Variants in GRM7 observed in about 807,000 individuals in gnomAD.
GRM7 encodes the protein glutamate metabotropic receptor 7, also known as metabotropic glutamate receptor 7.
A neutral mutation model predicts 84.5 loss-of-function variants in GRM7; 35 were observed. That is an observed-to-expected ratio of 0.41 (90% CI 0.32 to 0.55). The LOEUF (loss-of-function observed/expected upper bound fraction) is 0.55, where lower values mean the gene tolerates loss of function less well. GRM7 is among the 20% of genes least tolerant of loss of function. The pLI, the probability that GRM7 is intolerant of heterozygous loss-of-function variation, is 0.19. For missense variants in GRM7, 1,003 were observed against 1,194.6 expected, an observed-to-expected ratio of 0.84 and a Z score of 2.36; for synonymous variants, 487 against 455.1, an observed-to-expected ratio of 1.07 and a Z score of -0.89.
chr3:7,657,445 C>CA (rs944598026), intron 8 of GRM7, among the ~76,000 whole-genome samples: 5 of 152,088 alleles, frequency 3.3e-5, no homozygotes, highest in Non-Finnish European at 7.4e-5. Flanking sequence ...AATTCAACCC[C>CA]AAAAAATGTA....
chr3:7,684,752 A>G (rs1700510904), intron 9 of GRM7, among the ~76,000 whole-genome samples: 1 of 152,156 alleles, frequency 6.6e-6, no homozygotes, highest in African/African-American at 2.4e-5. Context: ...TTATCTGCGC[A>G]CTGCTGGCAT....
At chr3:7,660,059 T>C (rs1699370440) in intron 8 of GRM7, among the ~76,000 whole-genome samples, 1 of 152,206 alleles carries the variant, frequency 6.6e-6, no homozygotes, top group Admixed American at 6.5e-5. Flanking sequence ...AGATAAAATA[T>C]AGGATGTAAG....
At chr3:7,106,911 GC>G (rs1692670250) in intron 1 of GRM7, among the ~76,000 whole-genome samples, 1 of 152,046 alleles carries the variant, frequency 6.6e-6, no homozygotes, top group Admixed American at 6.6e-5. Context: ...AATAAATCAT[GC>G]CATTCACTAC....
intron 4 of GRM7, among the ~76,000 whole-genome samples, chr3:7,414,803 G>C (rs920555541): frequency 1.4e-4 from 22 of 151,732 alleles, no homozygotes; most frequent in African/African-American, 4.6e-4. Context: ...TGGAAATTAT[G>C]CTAGTAACTA....
At chr3:7,099,393 T>A (rs1006013290) in intron 1 of GRM7, among the ~76,000 whole-genome samples, 1 of 148,334 alleles carries the variant, frequency 6.7e-6, no homozygotes, top group Admixed American at 6.8e-5. Flanking sequence ...ATATATACAT[T>A]ATATACATAC....
At chr3:7,412,926 C>T (rs1696003950) in intron 4 of GRM7, among the ~76,000 whole-genome samples, 1 of 151,974 alleles carries the variant, frequency 6.6e-6, no homozygotes, top group African/African-American at 2.4e-5. Context: ...TATATGTGTT[C>T]AGATTACTTT....
intron 7 of GRM7, among the ~76,000 whole-genome samples, chr3:7,497,786 C>T (rs56239111): frequency 0.061 from 9,234 of 152,132 alleles, 791 homozygotes; most frequent in African/African-American, 0.19. Flanking sequence ...AGCTCTGTAG[C>T]CTGGGCAAAG....
intron 1 of GRM7, among the ~76,000 whole-genome samples, chr3:7,040,099 G>A (rs990953833): frequency 1.3e-5 from 2 of 152,064 alleles, no homozygotes; most frequent in African/African-American, 4.8e-5. Context: ...CCTTTGCAGG[G>A]CCCCATTCCA....
intron 5 of GRM7, among the ~76,000 whole-genome samples, chr3:7,436,395 T>A (rs1453182381): frequency 6.6e-6 from 1 of 152,192 alleles, no homozygotes; most frequent in Admixed American, 6.5e-5. Context: ...TTACCTTCTT[T>A]TCTTTTTCTT....
intron 8 of GRM7, among the ~76,000 whole-genome samples, chr3:7,591,945 A>G (rs541606671): frequency 9.2e-5 from 14 of 152,290 alleles, no homozygotes; most frequent in African/African-American, 3.4e-4. Context: ...AAAAGGATCA[A>G]TTCTTTTACC....
intron 1 of GRM7, among the ~76,000 whole-genome samples, chr3:7,097,720 G>A (rs747008715): frequency 1.1e-4 from 17 of 151,988 alleles, no homozygotes; most frequent in Non-Finnish European, 2.4e-4. Flanking sequence ...TAAAAACTTC[G>A]CTGTGAGGTC....
chr3:7,278,082 C>T (rs116657004), intron 2 of GRM7, among the ~76,000 whole-genome samples: 6,539 of 151,948 alleles, frequency 0.043, 320 homozygotes, highest in African/African-American at 0.12. Context: ...AGCATTTCTT[C>T]TATTTTATAG....
intron 2 of GRM7, among the ~76,000 whole-genome samples, chr3:7,283,132 C>A (rs1381761472): frequency 2.6e-5 from 4 of 152,024 alleles, no homozygotes; most frequent in Non-Finnish European, 5.9e-5. Flanking sequence ...TTTCGAAGTT[C>A]TGAGTTGTAG....
At chr3:7,016,529 C>T (rs1246939675) in intron 1 of GRM7, among the ~76,000 whole-genome samples, 1 of 152,026 alleles carries the variant, frequency 6.6e-6, no homozygotes, top group Non-Finnish European at 1.5e-5. Flanking sequence ...TTCAGCAGCT[C>T]CTTTTCTGAG....
chr3:7,022,617 C>T (rs1220102575), intron 1 of GRM7, among the ~76,000 whole-genome samples: 1 of 151,970 alleles, frequency 6.6e-6, no homozygotes, highest in Non-Finnish European at 1.5e-5. Context: ...ATATGTGCAT[C>T]CTTATATTTA....
chr3:7,342,346 G>C (rs1042807564), intron 4 of GRM7, among the ~76,000 whole-genome samples: 1 of 152,084 alleles, frequency 6.6e-6, no homozygotes, highest in Non-Finnish European at 1.5e-5. Context: ...TGGATTCTCT[G>C]ATGTCTCTAC....
intron 1 of GRM7, among the ~76,000 whole-genome samples, chr3:6,933,746 A>C (rs1296517868): frequency 6.9e-6 from 1 of 145,882 alleles, no homozygotes; most frequent in Non-Finnish European, 1.5e-5. Context: ...TAAAAAAAAA[A>C]ACAAAACAAA....
intron 4 of GRM7, among the ~76,000 whole-genome samples, chr3:7,358,551 A>G (rs1276043297): frequency 6.7e-6 from 1 of 148,538 alleles, no homozygotes; most frequent in Non-Finnish European, 1.5e-5. Context: ...AAAAATTCAC[A>G]ATATATTTTA....
intron 8 of GRM7, among the ~76,000 whole-genome samples, chr3:7,659,623 G>C (rs1042913514): frequency 6.6e-6 from 1 of 152,192 alleles, no homozygotes; most frequent in Admixed American, 6.5e-5. Flanking sequence ...CATTATGTAA[G>C]TGAGACATCT....
Sources: allele counts gnomAD v4.1 joint callset (sites outside exome capture counted in the v4.1 genomes callset), GRCh38; gene constraint gnomAD v4.1.1; transcripts MANE v1.5; gene names NCBI Gene and HGNC (gene_info 2026-07-23, HGNC 2026-07-21).